BRSK2: variants seen among roughly 807,000 people sequenced by gnomAD.
BRSK2 encodes BR serine/threonine kinase 2.
A neutral mutation model predicts 83.3 loss-of-function variants in BRSK2; 19 were observed. That is an observed-to-expected ratio of 0.23 (90% confidence interval 0.16 to 0.33). The LOEUF (loss-of-function observed/expected upper bound fraction) is 0.33, where lower values mean the gene tolerates loss of function less well. Ranked by LOEUF, BRSK2 falls within the 10% of genes least tolerant of loss-of-function variation. The pLI, the probability that BRSK2 is intolerant of heterozygous loss-of-function variation, is 1.00. For synonymous variants in BRSK2, 519 were observed against 435.4 expected (o/e 1.19, Z -2.39); for missense variants, 798 against 1,042.3 (o/e 0.77, Z 3.23).
intron 1 of BRSK2, among the ~76,000 whole-genome samples, chr11:1,425,092 C>G (rs1011326858): frequency 6.6e-6 from 1 of 152,230 alleles, no homozygotes. Context: ...AGTGCTGCCC[C>G]GAGGCCCGTG....
chr11:1,405,388 C>G (rs896179772), intron 1 of BRSK2, among the ~76,000 whole-genome samples: 9 of 152,110 alleles, frequency 5.9e-5, no homozygotes, highest in Non-Finnish European at 1.2e-4. Context: ...GTGCAGGTGC[C>G]AGCCTTGCCC....
chr11:1,413,070 C>T (rs1035399591), intron 1 of BRSK2, among the ~76,000 whole-genome samples: 12 of 152,160 alleles, frequency 7.9e-5, no homozygotes, highest in African/African-American at 2.9e-4. Flanking sequence ...ACCCGCATTC[C>T]TGGGGAGGAT....
At chr11:1,400,644 G>A (rs577888572) in intron 1 of BRSK2, among the ~76,000 whole-genome samples, 14 of 149,466 alleles carry the variant, frequency 9.4e-5, no homozygotes, top group Admixed American at 2.7e-4. Flanking sequence ...TGTCACACAC[G>A]TGCAGGTGGT....
intron 18 of BRSK2, chr11:1,457,144 C>T: frequency 8.6e-7 from 1 of 1,162,120 alleles, no homozygotes; most frequent in Non-Finnish European, 1.2e-6. Context: ...CATGCCCACC[C>T]ACAGGTCTCG....
chr11:1,445,150 G>A (rs1284049361), intron 9 of BRSK2, 144 bp from the exon 10 acceptor site: 5 of 1,464,282 alleles, frequency 3.4e-6, no homozygotes, highest in Admixed American at 1.8e-5. Flanking sequence ...TGCGGGGTGC[G>A]GGCAGGACGC....
At chr11:1,406,139 C>G (rs1474614328) in intron 1 of BRSK2, among the ~76,000 whole-genome samples, 1 of 152,178 alleles carries the variant, frequency 6.6e-6, no homozygotes, top group African/African-American at 2.4e-5. Flanking sequence ...CCTGCCTGGC[C>G]TTCCTCTCCC....
At chr11:1,446,071 G>GGGCTTT (rs748851581) in intron 12 of BRSK2, among the ~76,000 whole-genome samples, 164 bp downstream of exon 12, 2 of 144,082 alleles carry the variant, frequency 1.4e-5, no homozygotes, top group Non-Finnish European at 3.0e-5. Flanking sequence ...GGCTGGGCTT[G>GGGCTTT]GCTGGGCTGG....
chr11:1,453,933 C>G (rs867935201), intron 15 of BRSK2: 2 of 153,262 alleles, frequency 1.3e-5, no homozygotes, highest in Admixed American at 6.5e-5. Context: ...TCCTGGCCCC[C>G]GCGCTGGTGG....
At position 1,445,844 on chromosome 11, in the gene BRSK2, T is replaced by C; in HGVS notation, c.1163T>C (p.Val388Ala). 11 of 1,612,316 alleles carry C rather than the reference T, an allele frequency of 6.8e-6. No individual in the cohort carries two copies. Among genetic ancestry groups the C allele is most frequent in the Non-Finnish European group, 9.3e-6 (11 of 1,179,660 alleles). Residue 388 changes from valine (V) to alanine (A), a missense_variant, in exon 12 of 20, where the codon GTG becomes GCG. Coordinates refer to ENST00000528841, the MANE Select transcript of BRSK2 (RefSeq NM_001256627.2). ...PERKSMEVLSVTDGGSPVPAR... is the reference protein window; with the variant it reads ...PERKSMEVLSATDGGSPVPAR... The stretch of plus-strand genomic sequence containing the variant: ...CGCAAATCCATGGAGGTGCTCAGCG[T>C]GACGGACGGCGGCTCCCCGGTGCCT...
rs556602754 is a variant in BRSK2 at position 1,460,668 on chromosome 11, C to A, written c.2156C>A (p.Thr719Lys). The A allele has an allele frequency of 1.5e-3, 2,227 of 1,524,504 alleles. 4 individuals are homozygous for A. The highest frequency in any genetic ancestry group is 1.8e-3 in the Non-Finnish European group (2,041 of 1,140,642). 94.4% of individuals were successfully genotyped at this position (1,524,504 alleles called of 1,614,324 possible). ...PGPGGDAEYP[T>K]GKDTAKMGPP... ...CCCGGAGGGGACGCCGAGTACCCAA[C>A]GGGCAAGGACACGGCCAAGATGGGC... Residue 719 changes from threonine to lysine, a missense_variant, in exon 20 of 20, where the codon ACG (threonine) becomes AAG (lysine). Coordinates refer to ENST00000528841, the MANE Select transcript of BRSK2 (RefSeq NM_001256627.2).
intron 1 of BRSK2, among the ~76,000 whole-genome samples, chr11:1,404,274 C>G (rs989615946): frequency 1.3e-5 from 2 of 152,174 alleles, no homozygotes; most frequent in African/African-American, 4.8e-5. Context: ...CTCTGTGTTC[C>G]CCTCCTGTCT....
intron 16 of BRSK2, among the ~76,000 whole-genome samples, chr11:1,455,326 C>T (rs1384258568): frequency 7.3e-5 from 11 of 149,772 alleles, no homozygotes; most frequent in African/African-American, 2.2e-4. Flanking sequence ...CCTCCCCCAC[C>T]GCCCCCAGCC....
intron 4 of BRSK2, 122 bp downstream of exon 4, chr11:1,441,050 G>A: frequency 1.2e-6 from 1 of 802,660 alleles, no homozygotes; most frequent in Non-Finnish European, 1.9e-6. Flanking sequence ...GGTACACCAT[G>A]CCCCCCATTA....
At chr11:1,419,620 C>T (rs1409220882) in intron 1 of BRSK2, among the ~76,000 whole-genome samples, 1 of 152,152 alleles carries the variant, frequency 6.6e-6, no homozygotes, top group East Asian at 1.9e-4. Flanking sequence ...TTTTGAAATT[C>T]TCATTTCTGG....
At chr11:1,396,500 C>A (rs991847550) in intron 1 of BRSK2, among the ~76,000 whole-genome samples, 1 of 152,220 alleles carries the variant, frequency 6.6e-6, no homozygotes, top group Non-Finnish European at 1.5e-5. Context: ...AGACAGGAGA[C>A]CCCCTCCAGG....
intron 2 of BRSK2, among the ~76,000 whole-genome samples, chr11:1,437,009 G>T (rs1488137609): frequency 6.6e-6 from 1 of 151,724 alleles, no homozygotes; most frequent in Non-Finnish European, 1.5e-5. Context: ...GGTGGGGGTG[G>T]GGTTAAGGGC....
At chr11:1,446,708 A>G (rs779368961) in intron 12 of BRSK2, among the ~76,000 whole-genome samples, 15 of 152,172 alleles carry the variant, frequency 9.9e-5, no homozygotes, top group Non-Finnish European at 1.8e-4. Context: ...CCCTCAGCAA[A>G]TCCTTGGAGC....
At chr11:1,442,999 C>T (rs904436203) in intron 5 of BRSK2, 107 bp from the exon 6 acceptor site, 40 of 1,311,274 alleles carry the variant, frequency 3.1e-5, no homozygotes, top group East Asian at 1.8e-4. Flanking sequence ...GCGTCTGGCA[C>T]CACAGCCCTG....
intron 16 of BRSK2, among the ~76,000 whole-genome samples, chr11:1,455,250 TG>T (rs1172342195): frequency 1.3e-5 from 2 of 152,066 alleles, no homozygotes; most frequent in East Asian, 3.9e-4. Context: ...GCCCCTTCCT[TG>T]CCGGCCCTGC....
Sources: gnomAD v4.1 joint callset for allele counts (sites outside exome capture counted in the v4.1 genomes callset) on GRCh38, gnomAD v4.1.1 for gene constraint, MANE v1.5 for transcripts, NCBI Gene and HGNC (gene_info 2026-07-23, HGNC 2026-07-21) for gene names.